The following CCDC30 variants were observed in gnomAD, a reference collection of about 807,000 sequenced individuals.
CCDC30 encodes the protein coiled-coil domain containing 30, also known as coiled-coil domain-containing protein 30.
Under a neutral mutation model 100.2 loss-of-function variants are expected in CCDC30, and 70 were observed. The observed-to-expected ratio is 0.70, with a 90% CI of 0.58 to 0.85. The LOEUF (loss-of-function observed/expected upper bound fraction) is 0.85. Ranked by LOEUF, CCDC30 falls within the 40% of genes least tolerant of loss-of-function variation. The pLI is 0.00. For synonymous variants in CCDC30, 233 were observed against 269.5 expected (o/e 0.86, Z 1.33); for missense variants, 652 against 771.2 (o/e 0.85, Z 1.83).
At chr1:42,457,172 G>A in the CCDC30 span, 1 of 1,603,462 alleles carries the variant, frequency 6.2e-7, no homozygotes, top group Non-Finnish European at 8.5e-7. Context: ...CTCAGCTGGG[G>A]AACCCGAGTT....
At chr1:42,498,594 C>T (rs185098418) in intron 5 of CCDC30, among the ~76,000 whole-genome samples, 12 of 152,020 alleles carry the variant, frequency 7.9e-5, no homozygotes, top group African/African-American at 1.7e-4. Flanking sequence ...TGTGTGTATA[C>T]GTGAAAAAGT....
chr1:42,485,277 C>T (rs1644031867), intron 3 of CCDC30, among the ~76,000 whole-genome samples: 2 of 152,046 alleles, frequency 1.3e-5, no homozygotes, highest in African/African-American at 2.4e-5. Context: ...AGCAGTGATA[C>T]ATTAAATATG....
chr1:42,616,469 A>T (rs941043359), intron 11 of CCDC30, among the ~76,000 whole-genome samples: 2 of 152,084 alleles, frequency 1.3e-5, no homozygotes, highest in Non-Finnish European at 2.9e-5. Context: ...TTGAAACTCT[A>T]CCTTTATTTT....
At position 42,561,589 on chromosome 1, in the gene CCDC30, A is replaced by T. The variant is rs151203762; in HGVS notation, c.457-4707A>T. ...TCTCACCATACCTATTCAATATAGT[A>T]TTGGAAGTTCTGACCAGGGCAGTCA... On this transcript the variant is annotated intron_variant, in intron 6 of 16. Coordinates refer to ENST00000668663, the Ensembl canonical transcript of CCDC30. 6.5e-3 allele frequency among the ~76,000 whole-genome samples: 988 copies of T among 152,312 alleles called. 13 individuals are homozygous for T. The highest frequency in any genetic ancestry group is 0.023 in the African/African-American group (951 of 41,556).
At chr1:42,649,064 C>A (rs970024344) in intron 15 of CCDC30, among the ~76,000 whole-genome samples, 1 of 152,072 alleles carries the variant, frequency 6.6e-6, no homozygotes, top group Non-Finnish European at 1.5e-5. Flanking sequence ...AAAAAGTCTT[C>A]CATCAAAGAA....
chr1:42,572,352 T>C (rs2148575983), intron 7 of CCDC30, among the ~76,000 whole-genome samples: 1 of 152,344 alleles, frequency 6.6e-6, no homozygotes, highest in South Asian at 2.1e-4. Context: ...TTCATATTTA[T>C]TTGGGGTTTC....
At chr1:42,532,932 A>G (rs190694901) in intron 6 of CCDC30, among the ~76,000 whole-genome samples, 1 of 152,150 alleles carries the variant, frequency 6.6e-6, no homozygotes, top group East Asian at 1.9e-4. Flanking sequence ...CGCCCGGCTA[A>G]TTTTGTTTTT....
At chr1:42,653,706 T>C (rs1405720264) in intron 16 of CCDC30, 112 bp from the exon 21 acceptor site, 4 of 740,224 alleles carry the variant, frequency 5.4e-6, no homozygotes, top group Non-Finnish European at 9.0e-6. Context: ...TATTTGGCTT[T>C]GTGTAACAGT....
intron 6 of CCDC30, among the ~76,000 whole-genome samples, chr1:42,557,914 A>G (rs1001731620): frequency 6.6e-6 from 1 of 152,024 alleles, no homozygotes; most frequent in Admixed American, 6.6e-5. Context: ...TAATTGGCTT[A>G]ATAGATCTGT....
In CCDC30 at chr1:42,528,968, C is replaced by T. The variant is rs1569925424; in HGVS notation, c.456+30052C>T. 2.6e-5 allele frequency among the ~76,000 whole-genome samples: 4 copies of T among 152,318 alleles called. 1 individual carries two copies. Among genetic ancestry groups the T allele is most frequent in the Admixed American group, 2.6e-4 (4 of 15,302 alleles). The stretch of plus-strand genomic sequence containing the variant: ...CCAGAATAGTGTATGTGTGTCTAAC[C>T]TCAATCCTCTAAGCTGTGATGTAAA... On this transcript the variant is annotated intron_variant, in intron 6 of 16. Transcript: ENST00000668663.
rs567987303 is a variant in CCDC30, at chr1:42,495,029, T to C, written c.242-2069T>C. Among the ~76,000 whole-genome samples the C allele has an allele frequency of 2.8e-4, 38 of 134,278 alleles. No homozygotes were observed. The East Asian group carries it at 7.7e-3, about 27-fold the overall frequency. The allele number at this position is 134,278 out of a possible 152,430, so 88.1% of individuals were successfully genotyped here. ...GGGTATATACCCAAAGGACTATAAA[T>C]CATGCTGCTATAAAGACACATGCAC... On this transcript the variant is annotated intron_variant, in intron 4 of 16. Coordinates refer to ENST00000668663, the Ensembl canonical transcript of CCDC30.
chr1:42,547,449 A>G (rs920445052), intron 6 of CCDC30, among the ~76,000 whole-genome samples: 2 of 152,254 alleles, frequency 1.3e-5, no homozygotes, highest in Admixed American at 6.5e-5. Flanking sequence ...AGGAGCTGAC[A>G]TAAATAATCA....
intron 8 of CCDC30, 95 bp from the exon 13 acceptor site, chr1:42,581,265 C>A: frequency 1.2e-6 from 1 of 863,024 alleles, no homozygotes; most frequent in Non-Finnish European, 1.8e-6. Context: ...AATATGTTAG[C>A]ACTGCTATGT....
At chr1:42,543,022 G>T (rs1645047153) in intron 6 of CCDC30, among the ~76,000 whole-genome samples, 1 of 152,122 alleles carries the variant, frequency 6.6e-6, no homozygotes, top group Non-Finnish European at 1.5e-5. Flanking sequence ...CAAAAATAAT[G>T]CAAGCTCATT....
intron 1 of CCDC30, among the ~76,000 whole-genome samples, chr1:42,468,164 G>T (rs1643651127): frequency 1.3e-5 from 2 of 152,176 alleles, no homozygotes; most frequent in African/African-American, 4.8e-5. Context: ...GGGACAGAAA[G>T]CCCAAAATAA....
rs933242001 is a variant in CCDC30 at position 42,611,045 on chromosome 1, G to A, written c.1232G>A (p.Arg411His). 2.7e-5 allele frequency: 43 copies of A among 1,612,812 alleles called. No homozygotes were observed. In the East Asian group the frequency reaches 6.2e-4, roughly 23 times the overall value. Reference sequence around the variant, plus strand: ...CTACAGCAAGAGAAGGAAGCTCTACGTGAAGAATATTTGCGATTATTGAAG... The same window carrying A: ...CTACAGCAAGAGAAGGAAGCTCTACATGAAGAATATTTGCGATTATTGAAG... The change falls in exon 11 of 17, where the codon CGT becomes CAT. Residue 411 changes from arginine (R) to histidine (H), a missense_variant. Arg to His is a conservative substitution (Grantham distance 29). Transcript: ENST00000668663.
At chr1:42,599,578 A>G (rs1036380553) in intron 10 of CCDC30, among the ~76,000 whole-genome samples, 13 of 152,234 alleles carry the variant, frequency 8.5e-5, no homozygotes, top group Admixed American at 3.9e-4. Context: ...CACTTTAGAC[A>G]TCAATGGTTT....
chr1:42,499,569 A>G (rs1394908239), intron 6 of CCDC30, among the ~76,000 whole-genome samples: 1 of 152,090 alleles, frequency 6.6e-6, no homozygotes, highest in Non-Finnish European at 1.5e-5. Context: ...TCAACCTTCC[A>G]GGCCCAAGCC....
chr1:42,485,393 T>C (rs918860607), intron 3 of CCDC30, among the ~76,000 whole-genome samples: 5 of 152,162 alleles, frequency 3.3e-5, no homozygotes, highest in Admixed American at 1.3e-4. Context: ...AGACAACTCA[T>C]AGACTAGAAG....
Sources: allele counts gnomAD v4.1 joint callset (sites outside exome capture counted in the v4.1 genomes callset), GRCh38; gene constraint gnomAD v4.1.1; transcripts MANE v1.5; gene names NCBI Gene and HGNC (gene_info 2026-07-23, HGNC 2026-07-21).